The following WARS2 variants were observed in gnomAD, a reference collection of about 807,000 sequenced individuals.
WARS2 encodes tryptophan--tRNA ligase, mitochondrial.
A neutral mutation model predicts 36.5 loss-of-function variants in WARS2; 28 were observed. That is an observed-to-expected ratio of 0.77 (90% CI 0.57 to 1.05). The LOEUF is 1.05. Among genes scored for constraint, WARS2 ranks in the 50% least tolerant of loss-of-function variants. The pLI is 0.00. For missense variants in WARS2, 435 were observed against 456.8 expected, an observed-to-expected ratio of 0.95 and a Z score of 0.44; for synonymous variants, 174 against 178.4, an observed-to-expected ratio of 0.98 and a Z score of 0.20.
chr1:119,129,927 T>C (rs779463540), intron 1 of WARS2, among the ~76,000 whole-genome samples: 35 of 152,186 alleles, frequency 2.3e-4, no homozygotes, highest in East Asian at 5.8e-4. Flanking sequence ...TATATAGATA[T>C]AAAATCTGCT....
At chr1:119,041,887 C>G (rs1288449018) in intron 4 of WARS2, among the ~76,000 whole-genome samples, 3 of 152,146 alleles carry the variant, frequency 2.0e-5, no homozygotes, top group South Asian at 2.1e-4. Context: ...TTTGGGCATG[C>G]TATTAACCAC....
chr1:119,060,318 C>G (rs953133024), intron 2 of WARS2, among the ~76,000 whole-genome samples: 1 of 152,174 alleles, frequency 6.6e-6, no homozygotes, highest in African/African-American at 2.4e-5. Context: ...GTGCTCCCTT[C>G]CTGTCTTCCT....
chr1:119,091,571 A>G (rs1653048161), intron 1 of WARS2, among the ~76,000 whole-genome samples: 1 of 152,198 alleles, frequency 6.6e-6, no homozygotes, highest in Non-Finnish European at 1.5e-5. Flanking sequence ...ATAAACTTCT[A>G]AGGGGTGTGT....
intron 1 of WARS2, among the ~76,000 whole-genome samples, chr1:119,110,720 T>C (rs1371373505): frequency 6.6e-6 from 1 of 152,168 alleles, no homozygotes; most frequent in African/African-American, 2.4e-5. Context: ...GTCATTTTTA[T>C]TCAAATATTG....
intron 1 of WARS2, among the ~76,000 whole-genome samples, chr1:119,092,126 T>G (rs1178444224): frequency 6.6e-6 from 1 of 152,170 alleles, no homozygotes; most frequent in Non-Finnish European, 1.5e-5. Flanking sequence ...TGTAATGAAG[T>G]AAATTCACTA....
At chr1:119,109,969 G>A (rs1654518009) in intron 1 of WARS2, among the ~76,000 whole-genome samples, 1 of 151,692 alleles carries the variant, frequency 6.6e-6, no homozygotes, top group Non-Finnish European at 1.5e-5. Flanking sequence ...AAGTGACTTT[G>A]AAATAACACC....
At chr1:119,112,284 C>T (rs1654694020) in intron 1 of WARS2, among the ~76,000 whole-genome samples, 1 of 152,144 alleles carries the variant, frequency 6.6e-6, no homozygotes, top group Non-Finnish European at 1.5e-5. Flanking sequence ...ATATACCCAA[C>T]TCTGACAACT....
intron 1 of WARS2, among the ~76,000 whole-genome samples, chr1:119,097,726 A>T (rs2101439385): frequency 6.6e-6 from 1 of 152,298 alleles, no homozygotes; most frequent in South Asian, 2.1e-4. Flanking sequence ...GAGGGAAAGA[A>T]CCATGCTGTT....
intron 1 of WARS2, among the ~76,000 whole-genome samples, chr1:119,100,661 G>C (rs587688771): frequency 1.3e-5 from 2 of 152,198 alleles, no homozygotes; most frequent in African/African-American, 4.8e-5. Flanking sequence ...ATAGAACTGG[G>C]GGGGTTTTGT....
At chr1:119,066,807 A>T (rs1650920147) in intron 2 of WARS2, among the ~76,000 whole-genome samples, 1 of 152,206 alleles carries the variant, frequency 6.6e-6, no homozygotes, top group Admixed American at 6.5e-5. Flanking sequence ...TTAGAATACC[A>T]TTTTGGAGAA....
intron 1 of WARS2, among the ~76,000 whole-genome samples, chr1:119,125,331 C>T (rs894731216): frequency 2.6e-5 from 4 of 152,158 alleles, no homozygotes; most frequent in African/African-American, 9.7e-5. Flanking sequence ...CTGTGATACC[C>T]TTTGGCAGTC....
intron 2 of WARS2, among the ~76,000 whole-genome samples, chr1:119,049,161 A>G (rs1649122917): frequency 6.6e-6 from 1 of 152,218 alleles, no homozygotes; most frequent in South Asian, 2.1e-4. Flanking sequence ...AGGGGAGCAC[A>G]TCAGCGGAGG....
chr1:119,036,355 T>C (rs1352157728), intron 4 of WARS2, among the ~76,000 whole-genome samples: 2 of 152,166 alleles, frequency 1.3e-5, no homozygotes, highest in African/African-American at 2.4e-5. Context: ...AATATTCCTT[T>C]TTATGTTTTC....
chr1:119,117,864 T>C (rs1221395035), intron 1 of WARS2, among the ~76,000 whole-genome samples: 1 of 152,090 alleles, frequency 6.6e-6, no homozygotes, highest in Non-Finnish European at 1.5e-5. Flanking sequence ...GGAAGCCCTA[T>C]CCCTAGAGAA....
At chr1:119,077,205 T>C (rs1198372390) in intron 1 of WARS2, among the ~76,000 whole-genome samples, 1 of 151,546 alleles carries the variant, frequency 6.6e-6, no homozygotes, top group Non-Finnish European at 1.5e-5. Context: ...AGGGTATTGT[T>C]TATGAAAAGA....
intron 1 of WARS2, chr1:119,139,700 T>G (rs1437408286): frequency 6.6e-6 from 1 of 152,120 alleles, no homozygotes; most frequent in Non-Finnish European, 1.5e-5. Context: ...GCCGGGAAAT[T>G]ACCTAATAAA....
chr1:119,085,625 A>T, intron 1 of WARS2: 1 of 1,440,864 alleles, frequency 6.9e-7, no homozygotes. Context: ...TAGACACATG[A>T]TCCACTCGGA....
At chr1:119,047,488 A>G (rs1166199607) in intron 2 of WARS2, 1 of 152,202 alleles carries the variant, frequency 6.6e-6, no homozygotes. Context: ...ATGGAATGAA[A>G]CTTACTTAAT....
intron 2 of WARS2, 44 bp downstream of exon 2, chr1:119,076,306 A>G (rs776688881): frequency 1.3e-6 from 2 of 1,599,142 alleles, no homozygotes; most frequent in Non-Finnish European, 1.7e-6. Flanking sequence ...TCCTCAAATA[A>G]TCTACACATA....
Sources: allele counts gnomAD v4.1 joint callset (sites outside exome capture counted in the v4.1 genomes callset), GRCh38; gene constraint gnomAD v4.1.1; transcripts MANE v1.5; gene names NCBI Gene and HGNC (gene_info 2026-07-23, HGNC 2026-07-21).